Variants in ACSS3 observed in about 807,000 individuals in gnomAD.
ACSS3 encodes the protein acyl-CoA synthetase short chain family member 3, also known as acyl-CoA synthetase short-chain family member 3, mitochondrial.
Under a neutral mutation model 84.2 loss-of-function variants are expected in ACSS3, and 64 were observed. The ratio of observed to expected loss-of-function variants is 0.76; its 90% confidence interval spans 0.62 to 0.94. ACSS3 has a LOEUF of 0.94. Among genes scored for constraint, ACSS3 ranks in the 40% least tolerant of loss-of-function variants. The pLI, the probability that ACSS3 is intolerant of heterozygous loss-of-function variation, is 0.00. For synonymous variants in ACSS3, 317 were observed against 310.1 expected, an observed-to-expected ratio of 1.02 and a Z score of -0.23; for missense variants, 815 against 867.6, an observed-to-expected ratio of 0.94 and a Z score of 0.76.
intron 2 of ACSS3, among the ~76,000 whole-genome samples, chr12:81,112,759 A>C (rs1429568708): frequency 6.6e-6 from 1 of 152,222 alleles, no homozygotes; most frequent in Non-Finnish European, 1.5e-5. Flanking sequence ...AAACGAAAAG[A>C]AGTGCCTTTG....
chr12:81,246,902 T>C (rs1407805422), intron 13 of ACSS3, among the ~76,000 whole-genome samples: 1 of 152,178 alleles, frequency 6.6e-6, no homozygotes, highest in Non-Finnish European at 1.5e-5. Flanking sequence ...TTTATTTCTA[T>C]AGCAAACGTG....
At chr12:81,115,637 C>CT (rs1303554779) in intron 2 of ACSS3, among the ~76,000 whole-genome samples, 8 of 152,024 alleles carry the variant, frequency 5.3e-5, no homozygotes, top group Non-Finnish European at 1.0e-4. Flanking sequence ...CCATTAATAT[C>CT]TTTTGTCCAT....
intron 1 of ACSS3, among the ~76,000 whole-genome samples, chr12:81,088,014 C>T (rs1187314063): frequency 3.3e-5 from 5 of 152,050 alleles, no homozygotes; most frequent in South Asian, 2.1e-4. Flanking sequence ...TTTCTTTTCT[C>T]GTCTGTTCTC....
At position 81,124,258 on chromosome 12, in the gene ACSS3, T is replaced by G. The variant is rs899636468; in HGVS notation, c.457-10558T>G. The G allele has an allele frequency of 1.2e-4, 18 of 152,240 alleles. 1 individual carries two copies. Among genetic ancestry groups the G allele is most frequent in the Admixed American group, 1.2e-3 (18 of 15,288 alleles). 9.4% of individuals were successfully genotyped at this position (152,240 alleles called of 1,614,324 possible). ...AAAATTAGTTATGTTGAGCACTTTT[T>G]AATATATTTGTTGGCCTCATGAAAT... is the stretch of plus-strand genomic sequence containing the variant. On this transcript the variant is annotated intron_variant, in intron 2 of 15. Coordinates refer to ENST00000548058, the MANE Select transcript of ACSS3 (RefSeq NM_024560.4).
chr12:81,251,929 T>G lies in ACSS3; in HGVS notation c.1720-1378T>G, dbSNP rs189710862. Among the ~76,000 whole-genome samples the G allele has an allele frequency of 1.8e-4, 28 of 152,238 alleles. 1 individual carries two copies. Among genetic ancestry groups the G allele is most frequent in the African/African-American group, 6.5e-4 (27 of 41,552 alleles). ...CTCCTTCTCAACTACTGAAAATGATTTATCACCTTCCCAGGAATGCTAAAA... is the reference window on the plus strand; with the variant it reads ...CTCCTTCTCAACTACTGAAAATGATGTATCACCTTCCCAGGAATGCTAAAA... On this transcript the variant is annotated intron_variant, in intron 13 of 15. Coordinates refer to ENST00000548058, the MANE Select transcript of ACSS3 (RefSeq NM_024560.4).
Position 81,253,405 on chromosome 12 carries a change from AGGT to A in ACSS3, c.1819+1_1819+3del. The stretch of plus-strand genomic sequence containing the variant: ...CCTTAGCACTCTGTGTATTGAGAAA[AGGT>A]GAGAGATCTTTTTCTCCCTGATTGC... On this transcript the variant is annotated splice_donor_variant and coding_sequence_variant, in exon 14 of 16. Coordinates refer to ENST00000548058, the MANE Select transcript of ACSS3 (RefSeq NM_024560.4). LOFTEE classifies it high-confidence loss of function. 6.2e-7 allele frequency: 1 copy of A among 1,613,914 alleles called. No individual in the cohort carries two copies. Among genetic ancestry groups the A allele is most frequent in the Non-Finnish European group, 8.5e-7 (1 of 1,179,854 alleles).
At chr12:81,195,106 A>G (rs1037377039) in intron 8 of ACSS3, among the ~76,000 whole-genome samples, 77 of 152,114 alleles carry the variant, frequency 5.1e-4, no homozygotes, top group African/African-American at 1.7e-3. Flanking sequence ...TGATATTAAG[A>G]CCTGTAGAAT....
At chr12:81,227,368 T>G (rs189589721) in intron 11 of ACSS3, among the ~76,000 whole-genome samples, 10 of 149,002 alleles carry the variant, frequency 6.7e-5, no homozygotes, top group Admixed American at 6.1e-4. Context: ...GAATTAACCA[T>G]CACACCTATT....
Position 81,256,961 on chromosome 12 carries a change from C to A in ACSS3, c.*2039C>A, listed in dbSNP as rs2034322237. The A allele has an allele frequency of 6.6e-6, 1 of 152,104 alleles. No homozygotes were observed. The highest frequency in any genetic ancestry group is 2.1e-4 in the South Asian group (1 of 4,830). The allele number at this position is 152,104 out of a possible 1,614,324, so 9.4% of individuals were successfully genotyped here. A position where few individuals can be genotyped will look rare whatever the true frequency, so the allele number is the denominator to read the frequency against. Reference sequence around the variant, plus strand: ...ACAACTGTGGTCTTCATTAATAACTCATTTTAATGTCTTAGGAGTAGAATG... The same window carrying A: ...ACAACTGTGGTCTTCATTAATAACTAATTTTAATGTCTTAGGAGTAGAATG... On this transcript the variant is annotated 3_prime_UTR_variant, in exon 16 of 16. Transcript: ENST00000548058.
At chr12:81,151,775 A>G in intron 5 of ACSS3, 69 bp from the exon 6 acceptor site, 1 of 1,366,834 alleles carries the variant, frequency 7.3e-7, no homozygotes, top group East Asian at 2.3e-5. Context: ...TTTAAAGTGG[A>G]TGCTATGAAG....
chr12:81,188,276 T>C (rs2031382319), intron 8 of ACSS3, among the ~76,000 whole-genome samples: 1 of 152,028 alleles, frequency 6.6e-6, no homozygotes, highest in East Asian at 1.9e-4. Context: ...ATATTTATGG[T>C]TTCAAGTTTA....
rs59556127 is a variant in ACSS3 at position 81,213,957 on chromosome 12, CTCTTTCTTTCTTTCTTTCTTTCTT to C, written c.1355-2917_1355-2894del. On this transcript the variant is annotated intron_variant, in intron 9 of 15. Coordinates refer to ENST00000548058, the MANE Select transcript of ACSS3 (RefSeq NM_024560.4). ...CCTTTCTCTCTCTCTCTCCCTCTCT[CTCTTTCTTTCTTTCTTTCTTTCTT>C]TCTTTCTTTCTTTCTTTCTTTCTTT... Among the ~76,000 whole-genome samples, 42 of 49,142 alleles carry C rather than the reference CTCTTTCTTTCTTTCTTTCTTTCTT, an allele frequency of 8.5e-4. 1 individual carries two copies. Among genetic ancestry groups the C allele is most frequent in the African/African-American group, 2.6e-3 (36 of 13,988 alleles). The allele number at this position is 49,142 out of a possible 152,430, so 32.2% of individuals were successfully genotyped here.
chr12:81,251,702 C>T (rs913623458), intron 13 of ACSS3, among the ~76,000 whole-genome samples: 1 of 116,994 alleles, frequency 8.5e-6, no homozygotes, highest in African/African-American at 2.9e-5. Context: ...ATTTAGCCAG[C>T]CATGGTGGTG....
chr12:81,179,871 G>C (rs1244935853), intron 8 of ACSS3, among the ~76,000 whole-genome samples: 1 of 151,864 alleles, frequency 6.6e-6, no homozygotes, highest in Non-Finnish European at 1.5e-5. Flanking sequence ...TTTATAAAGA[G>C]AAGACGTTTA....
chr12:81,241,237 A>G (rs899782165), intron 13 of ACSS3, among the ~76,000 whole-genome samples: 4 of 151,928 alleles, frequency 2.6e-5, no homozygotes, highest in African/African-American at 4.8e-5. Flanking sequence ...GTCTATCATT[A>G]TTGGACATTT....
chr12:81,252,648 T>C (rs1034558882), intron 13 of ACSS3, among the ~76,000 whole-genome samples: 3 of 152,186 alleles, frequency 2.0e-5, no homozygotes, highest in Admixed American at 2.0e-4. Flanking sequence ...TTTATGTGGT[T>C]ACTCAACTCT....
chr12:81,204,989 T>C lies in ACSS3; in HGVS notation c.1354+5545T>C, dbSNP rs952446876. 4.6e-5 allele frequency among the ~76,000 whole-genome samples: 7 copies of C among 152,302 alleles called. No individual in the cohort carries two copies. The South Asian group carries it at 1.4e-3, about 32-fold the overall frequency. On this transcript the variant is annotated intron_variant, in intron 9 of 15. Coordinates refer to ENST00000548058, the MANE Select transcript of ACSS3 (RefSeq NM_024560.4). ...GATGATTGAAATGTTTGATCTTACTTTATCTGCCTTGAGCCATCTTTGTGG... is the reference window on the plus strand; with the variant it reads ...GATGATTGAAATGTTTGATCTTACTCTATCTGCCTTGAGCCATCTTTGTGG...
At chr12:81,093,206 T>C (rs972462032) in intron 1 of ACSS3, among the ~76,000 whole-genome samples, 1 of 152,104 alleles carries the variant, frequency 6.6e-6, no homozygotes, top group Non-Finnish European at 1.5e-5. Context: ...TCCTAGCACT[T>C]TGTGAGGCCA....
intron 8 of ACSS3, among the ~76,000 whole-genome samples, chr12:81,186,192 A>G (rs1268600875): frequency 6.6e-6 from 1 of 151,752 alleles, no homozygotes; most frequent in Non-Finnish European, 1.5e-5. Context: ...AACCTACATT[A>G]TACACAAAAA....
Sources: allele counts gnomAD v4.1 joint callset (sites outside exome capture counted in the v4.1 genomes callset), GRCh38; gene constraint gnomAD v4.1.1; transcripts MANE v1.5; gene names NCBI Gene and HGNC (gene_info 2026-07-23, HGNC 2026-07-21).